NLK: variants seen among roughly 807,000 people sequenced by gnomAD.
NLK encodes the protein serine/threonine-protein kinase NLK.
NLK carries 11 observed loss-of-function variants against 59.0 expected under a neutral mutation model. The observed-to-expected ratio is 0.19, with a 90% CI of 0.12 to 0.31. The LOEUF is 0.31. Ranked by LOEUF, NLK falls within the 10% of genes least tolerant of loss-of-function variation. The pLI is 1.00. For synonymous variants in NLK, 235 were observed against 235.9 expected, an observed-to-expected ratio of 1.00 and a Z score of 0.03; for missense variants, 410 against 661.1, an observed-to-expected ratio of 0.62 and a Z score of 4.16.
intron 1 of NLK, among the ~76,000 whole-genome samples, chr17:28,069,803 A>G (rs1909948687): frequency 6.6e-6 from 1 of 152,068 alleles, no homozygotes; most frequent in Non-Finnish European, 1.5e-5. Flanking sequence ...AGATCAATCT[A>G]TTGTATTTTC....
intron 1 of NLK, among the ~76,000 whole-genome samples, chr17:28,047,363 AT>A (rs977789112): frequency 7.2e-5 from 11 of 152,188 alleles, no homozygotes; most frequent in African/African-American, 2.7e-4. Flanking sequence ...GTTGTACTGT[AT>A]GTCAGGGAGA....
downstream of NLK, chr17:28,196,478 A>G (rs1221015305): frequency 2.0e-5 from 3 of 152,254 alleles, no homozygotes; most frequent in African/African-American, 4.8e-5. Context: ...CTTCCTATTT[A>G]TATTTCCACT....
chr17:28,173,790 A>G (rs1411107091), intron 7 of NLK, among the ~76,000 whole-genome samples: 1 of 152,226 alleles, frequency 6.6e-6, no homozygotes, highest in Non-Finnish European at 1.5e-5. Flanking sequence ...AGGAACATAA[A>G]ACTAATTTAC....
chr17:28,112,147 T>G (rs1395971144), intron 1 of NLK, among the ~76,000 whole-genome samples: 2 of 152,028 alleles, frequency 1.3e-5, no homozygotes, highest in African/African-American at 4.8e-5. Flanking sequence ...CCTCTGTGGC[T>G]CTCTCATTTC....
chr17:28,203,897 G>T, the NLK span, among the ~76,000 whole-genome samples: 3 of 152,170 alleles, frequency 2.0e-5, no homozygotes, highest in Non-Finnish European at 2.9e-5. Context: ...TTGTATCCAG[G>T]CTGGGGAATA....
chr17:28,085,798 T>C (rs4420579), intron 1 of NLK, among the ~76,000 whole-genome samples: 9,254 of 152,158 alleles, frequency 0.061, 361 homozygotes, highest in South Asian at 0.17. Context: ...GACATAGCCA[T>C]CATAAAGTCA....
chr17:28,204,878 A>G, the NLK span, among the ~76,000 whole-genome samples: 1 of 152,202 alleles, frequency 6.6e-6, no homozygotes, highest in Non-Finnish European at 1.5e-5. Context: ...CTGGTATTCC[A>G]GGGGAAACTC....
At chr17:28,044,416 T>G (rs895529166) in intron 1 of NLK, among the ~76,000 whole-genome samples, 21 of 152,210 alleles carry the variant, frequency 1.4e-4, no homozygotes, top group African/African-American at 4.3e-4. Context: ...ATGGGTGCAT[T>G]GTTTATGCAT....
chr17:28,205,480 A>G, the NLK span, among the ~76,000 whole-genome samples: 1 of 152,212 alleles, frequency 6.6e-6, no homozygotes, highest in Non-Finnish European at 1.5e-5. Context: ...AAGAGAGCCA[A>G]AGATCTCATC....
chr17:28,191,272 A>G, intron 9 of NLK, 53 bp downstream of exon 9: 1 of 1,405,676 alleles, frequency 7.1e-7, no homozygotes, highest in Non-Finnish European at 9.7e-7. Flanking sequence ...AACATTTTCC[A>G]TTAGGTGGCC....
intron 2 of NLK, among the ~76,000 whole-genome samples, chr17:28,125,112 A>T (rs1409015514): frequency 6.6e-6 from 1 of 152,064 alleles, no homozygotes; most frequent in African/African-American, 2.4e-5. Flanking sequence ...ATTCCAACCA[A>T]TCTTGGCCTC....
chr17:28,142,012 A>G (rs1310306949), intron 3 of NLK, among the ~76,000 whole-genome samples: 1 of 152,190 alleles, frequency 6.6e-6, no homozygotes. Context: ...TGTTTGACAG[A>G]CACAGAGCTT....
rs144510670 is a variant in NLK at position 28,109,725 on chromosome 17, T to A, written c.459-12878T>A. On this transcript the variant is annotated intron_variant, in intron 1 of 10. Coordinates refer to ENST00000407008, the MANE Select transcript of NLK (RefSeq NM_016231.5). ...TATAGATGTATCATAGTTTATGCAT[T>A]CACTAGGTAATGGATTTGACACTTT... 3.8e-4 allele frequency among the ~76,000 whole-genome samples: 58 copies of A among 152,346 alleles called. 1 individual carries two copies. The highest frequency in any genetic ancestry group is 3.7e-3 in the South Asian group (18 of 4,832).
intron 4 of NLK, among the ~76,000 whole-genome samples, chr17:28,162,831 A>G (rs987771567): frequency 2.0e-5 from 3 of 152,052 alleles, no homozygotes; most frequent in Non-Finnish European, 2.9e-5. Context: ...AGATGGGAGC[A>G]TGGCTTGAGC....
At chr17:28,113,872 C>A (rs1964443057) in intron 1 of NLK, among the ~76,000 whole-genome samples, 1 of 152,190 alleles carries the variant, frequency 6.6e-6, no homozygotes, top group South Asian at 2.1e-4. Flanking sequence ...ACTATCCTAA[C>A]TTTTATGCTA....
chr17:28,106,166 A>G (rs908952377), intron 1 of NLK, among the ~76,000 whole-genome samples: 6 of 152,224 alleles, frequency 3.9e-5, no homozygotes, highest in African/African-American at 1.2e-4. Context: ...TATTGAAAAC[A>G]TGCCTCAAGC....
intron 3 of NLK, among the ~76,000 whole-genome samples, chr17:28,143,074 C>T (rs1177645842): frequency 6.8e-6 from 1 of 146,096 alleles, no homozygotes; most frequent in Non-Finnish European, 1.5e-5. Context: ...GACAGATTCT[C>T]ACTCTGTCAC....
rs34331195 is a variant in NLK at position 28,117,652 on chromosome 17, G to A, written c.459-4951G>A. Among the ~76,000 whole-genome samples the A allele has an allele frequency of 8.2e-3, 1,245 of 152,236 alleles. 16 individuals carry two copies. Among genetic ancestry groups the A allele is most frequent in the African/African-American group, 0.028 (1,154 of 41,560 alleles). On this transcript the variant is annotated intron_variant, in intron 1 of 10. Transcript: ENST00000407008. Reference sequence around the variant, plus strand: ...TGAACTGTTTCTCAGCCTTGGTTTAGCTATCATATAAGGCCTTTTTTCTTT... The same window carrying A: ...TGAACTGTTTCTCAGCCTTGGTTTAACTATCATATAAGGCCTTTTTTCTTT...
chr17:28,128,037 A>C (rs1906362002), intron 2 of NLK, among the ~76,000 whole-genome samples: 1 of 152,176 alleles, frequency 6.6e-6, no homozygotes, highest in South Asian at 2.1e-4. Flanking sequence ...CATTTCAATA[A>C]ACAGTTCTGA....
Sources: gnomAD v4.1 joint callset for allele counts (sites outside exome capture counted in the v4.1 genomes callset) on GRCh38, gnomAD v4.1.1 for gene constraint, MANE v1.5 for transcripts, NCBI Gene and HGNC (gene_info 2026-07-23, HGNC 2026-07-21) for gene names.